Variants in CD84 observed in about 807,000 individuals in gnomAD.
CD84 encodes SLAM family member 5.
In CD84, 22 loss-of-function variants were observed where a neutral mutation model predicts 33.8. The ratio of observed to expected loss-of-function variants is 0.65; its 90% CI spans 0.46 to 0.93. The LOEUF is 0.93. Ranked by LOEUF, CD84 falls within the 40% of genes least tolerant of loss-of-function variation. CD84 has a pLI of 0.00. For synonymous variants in CD84, 154 were observed against 145.2 expected (o/e 1.06, Z -0.44); for missense variants, 400 against 397.6 (o/e 1.01, Z -0.05).
intron 5 of CD84, chr1:160,550,573 C>T (rs1656141851): frequency 2.1e-6 from 2 of 971,134 alleles, no homozygotes; most frequent in South Asian, 4.8e-5. Flanking sequence ...CCCTTAGCAA[C>T]CTGTTCACCA....
intron 6 of CD84, among the ~76,000 whole-genome samples, chr1:160,549,290 T>C (rs1399518526): frequency 6.6e-6 from 1 of 152,148 alleles, no homozygotes. Context: ...GAAAACATGA[T>C]TCTTTAAGCA....
In CD84 at chr1:160,545,971, C is replaced by T. The variant is rs2102111850; in HGVS notation, c.*2285G>A. 2 of 150,246 alleles carry T rather than the reference C, an allele frequency of 1.3e-5. No homozygotes were observed. Among genetic ancestry groups the T allele is most frequent in the South Asian group, 4.2e-4 (2 of 4,720 alleles). The allele number at this position is 150,246 out of a possible 1,614,324, so 9.3% of individuals were successfully genotyped here. ...AATGCTTGCCAGAATTTGATTGCAC[C>T]ATGCTTATTGGCTTCTATCTTTTTT... On this transcript the variant is annotated 3_prime_UTR_variant, in exon 7 of 7. Transcript: ENST00000368054.
At chr1:160,562,842 CAGA>C (rs146684495) in intron 2 of CD84, among the ~76,000 whole-genome samples, 4,881 of 151,942 alleles carry the variant, frequency 0.032, 264 homozygotes, top group African/African-American at 0.11. Context: ...GTCTAATATC[CAGA>C]GTCCACAAGG....
At chr1:160,576,866 C>T (rs2369721) in intron 1 of CD84, among the ~76,000 whole-genome samples, 126,863 of 152,130 alleles carry the variant, frequency 0.83, 53,715 homozygotes, top group Non-Finnish European at 0.92. Flanking sequence ...TAAATGGTTA[C>T]TTATTACTAT....
At chr1:160,548,601 G>T (rs1028774671) in intron 6 of CD84, among the ~76,000 whole-genome samples, 6 of 152,124 alleles carry the variant, frequency 3.9e-5, no homozygotes, top group African/African-American at 9.7e-5. Flanking sequence ...AATGGATTTT[G>T]ATTATAGACT....
chr1:160,556,144 G>A (rs948700974), intron 2 of CD84, among the ~76,000 whole-genome samples: 3 of 152,172 alleles, frequency 2.0e-5, no homozygotes, highest in Non-Finnish European at 4.4e-5. Flanking sequence ...TGAGGTAGGG[G>A]ACAGTGGTAA....
At chr1:160,577,074 C>T (rs1229499233) in intron 1 of CD84, among the ~76,000 whole-genome samples, 1 of 152,102 alleles carries the variant, frequency 6.6e-6, no homozygotes, top group Non-Finnish European at 1.5e-5. Context: ...CATGGTGTTT[C>T]CAAAGTCATG....
chr1:160,566,070 A>G (rs1657307649), intron 1 of CD84, among the ~76,000 whole-genome samples: 1 of 152,182 alleles, frequency 6.6e-6, no homozygotes, highest in African/African-American at 2.4e-5. Flanking sequence ...GTAGTCTAAG[A>G]TATTAGGTGC....
intron 2 of CD84, among the ~76,000 whole-genome samples, chr1:160,557,870 G>A (rs989808199): frequency 1.3e-5 from 2 of 152,142 alleles, no homozygotes; most frequent in Non-Finnish European, 2.9e-5. Context: ...CCTACAACGC[G>A]GCACAGCTGC....
At chr1:160,558,393 C>T (rs1427388322) in intron 2 of CD84, among the ~76,000 whole-genome samples, 2 of 152,140 alleles carry the variant, frequency 1.3e-5, no homozygotes, top group African/African-American at 2.4e-5. Context: ...AACAGCCCCA[C>T]AGAAGAGTAG....
chr1:160,572,839 C>A (rs1027388545), intron 1 of CD84, among the ~76,000 whole-genome samples: 4 of 152,114 alleles, frequency 2.6e-5, no homozygotes, highest in African/African-American at 7.2e-5. Flanking sequence ...ATGGAAAAAC[C>A]TGTTCACTGT....
In CD84 at chr1:160,565,669, T is replaced by C. The variant is rs1657278222; in HGVS notation, c.123A>G (p.Val41=). 8 of 1,613,888 alleles carry C rather than the reference T, an allele frequency of 5.0e-6. No individual in the cohort carries two copies. Among genetic ancestry groups the C allele is most frequent in the African/African-American group, 1.3e-5 (1 of 75,040 alleles). ...GILGESVTFP[V]NIQEPRQVKI... is the part of the protein sequence containing the mutation. ...TAACTTGCCGTGGTTCTTGGATATT[T>C]ACAGGGAAAGTGACTGACTCTCCCA... The change falls in exon 2 of 7, where the codon GTA becomes GTG. Residue 41 remains valine, a synonymous_variant. Transcript: ENST00000368054.
At chr1:160,578,460 C>T (rs1002733445) in intron 1 of CD84, among the ~76,000 whole-genome samples, 1 of 152,096 alleles carries the variant, frequency 6.6e-6, no homozygotes, top group Non-Finnish European at 1.5e-5. Context: ...GCCAAAGAAA[C>T]CAGAGAGATC....
chr1:160,548,058 T>G lies in CD84; in HGVS notation c.*198A>C. 1 of 600,340 alleles carries G rather than the reference T, an allele frequency of 1.7e-6. No homozygotes were observed. The highest frequency in any genetic ancestry group is 3.0e-6 in the Non-Finnish European group (1 of 336,232). 37.2% of individuals were successfully genotyped at this position (600,340 alleles called of 1,614,324 possible). On this transcript the variant is annotated 3_prime_UTR_variant, in exon 7 of 7. Coordinates refer to ENST00000368054, the MANE Select transcript of CD84 (RefSeq NM_003874.4). Reference sequence around the variant, plus strand: ...GTCATTCATTCAGAAGGGAGTCATTTCAGGAAGGGTATGCATCCATTTGTC... The same window carrying G: ...GTCATTCATTCAGAAGGGAGTCATTGCAGGAAGGGTATGCATCCATTTGTC...
intron 1 of CD84, among the ~76,000 whole-genome samples, chr1:160,574,377 T>C (rs1297541686): frequency 6.6e-6 from 1 of 152,126 alleles, no homozygotes; most frequent in Non-Finnish European, 1.5e-5. Context: ...ACCCACAGCA[T>C]AGTTAGTAAA....
intron 1 of CD84, among the ~76,000 whole-genome samples, chr1:160,566,895 T>C (rs531812004): frequency 6.6e-6 from 1 of 152,332 alleles, no homozygotes; most frequent in African/African-American, 2.4e-5. Context: ...TGATTTAATA[T>C]ATAGTTTGTA....
chr1:160,550,471 G>T, intron 5 of CD84: 1 of 241,410 alleles, frequency 4.1e-6, no homozygotes, highest in Non-Finnish European at 6.7e-6. Context: ...GTGTGGAACA[G>T]TGACTCTGAG....
chr1:160,575,494 AACACAC>A (rs3078967), intron 1 of CD84, among the ~76,000 whole-genome samples: 5 of 146,802 alleles, frequency 3.4e-5, no homozygotes, highest in South Asian at 2.2e-4. Context: ...GTTCCTTCAA[AACACAC>A]ACACACACAC....
intron 3 of CD84, 63 bp from the exon 4 acceptor site, chr1:160,553,560 T>C: frequency 6.3e-7 from 1 of 1,591,596 alleles, no homozygotes; most frequent in East Asian, 2.2e-5. Flanking sequence ...GCTGGGCAGG[T>C]TTGCCCACAG....
Sources: gnomAD v4.1 joint callset for allele counts (sites outside exome capture counted in the v4.1 genomes callset) on GRCh38, gnomAD v4.1.1 for gene constraint, MANE v1.5 for transcripts, NCBI Gene and HGNC (gene_info 2026-07-23, HGNC 2026-07-21) for gene names.